Variants in FDX1 observed in about 807,000 individuals in gnomAD.
FDX1 encodes adrenodoxin, mitochondrial.
Under a neutral mutation model 14.9 loss-of-function variants are expected in FDX1, and 9 were observed. That is an observed-to-expected ratio of 0.60 (90% CI 0.36 to 1.05). The LOEUF (loss-of-function observed/expected upper bound fraction) is 1.05. Ranked by LOEUF, FDX1 falls within the 50% of genes least tolerant of loss-of-function variation. FDX1 has a pLI of 0.01. For synonymous variants in FDX1, 92 were observed against 99.4 expected, an observed-to-expected ratio of 0.93 and a Z score of 0.44; for missense variants, 204 against 237.2, an observed-to-expected ratio of 0.86 and a Z score of 0.92.
rs45488099 is a variant in FDX1 at position 110,463,435 on chromosome 11, A to G, written c.*967A>G. 1.3e-5 allele frequency: 2 copies of G among 152,260 alleles called. No individual in the cohort carries two copies. Among genetic ancestry groups the G allele is most frequent in the African/African-American group, 2.4e-5 (1 of 41,466 alleles). 9.4% of individuals were successfully genotyped at this position (152,260 alleles called of 1,614,324 possible). A position where few individuals can be genotyped will look rare whatever the true frequency, so the allele number is the denominator to read the frequency against. On this transcript the variant is annotated 3_prime_UTR_variant, in exon 4 of 4. Coordinates refer to ENST00000260270, the MANE Select transcript of FDX1 (RefSeq NM_004109.5). ...TGGCAAGCACCACAGATTACCACGTATGTGTGGAAGACATTCGTACTCTTA... is the reference window on the plus strand; with the variant it reads ...TGGCAAGCACCACAGATTACCACGTGTGTGTGGAAGACATTCGTACTCTTA...
chr11:110,442,028 C>A (rs1946407706), intron 2 of FDX1, among the ~76,000 whole-genome samples: 1 of 152,230 alleles, frequency 6.6e-6, no homozygotes, highest in South Asian at 2.1e-4. Flanking sequence ...TCAGAGTGTG[C>A]AAACCTCAAG....
chr11:110,433,748 C>T (rs1591245766), intron 1 of FDX1, among the ~76,000 whole-genome samples: 1 of 152,082 alleles, frequency 6.6e-6, no homozygotes, highest in Non-Finnish European at 1.5e-5. Flanking sequence ...CACACACACA[C>T]ACCCTTTTGA....
intron 2 of FDX1, among the ~76,000 whole-genome samples, chr11:110,452,263 T>C (rs1220840226): frequency 2.0e-5 from 3 of 152,142 alleles, no homozygotes; most frequent in South Asian, 4.2e-4. Context: ...TTAAAAACTT[T>C]TGTTCTTCCA....
At chr11:110,460,324 C>A (rs1257613100) in intron 3 of FDX1, among the ~76,000 whole-genome samples, 2 of 152,228 alleles carry the variant, frequency 1.3e-5, no homozygotes, top group South Asian at 4.1e-4. Flanking sequence ...GGCCCCTTAA[C>A]TGATATTCAC....
In FDX1 at chr11:110,430,242, G is replaced by C. The variant is rs919270137; in HGVS notation, c.122G>C (p.Arg41Pro). ...RAGSSGLLRNRGPGGSAEASR... is the reference protein window; with the variant it reads ...RAGSSGLLRNPGPGGSAEASR... ...GGATCCAGCGGCCTGCTGAGGAACC[G>C]GGGGCCGGGCGGGAGCGCGGAGGCG... The change falls in exon 1 of 4, where the codon CGG becomes CCG. Residue 41 changes from arginine (R) to proline (P), a missense_variant. Physicochemically the swap from Arg to Pro is moderately radical, Grantham distance 103 (BLOSUM62 -2). Coordinates refer to ENST00000260270, the MANE Select transcript of FDX1 (RefSeq NM_004109.5). 911 of 1,205,422 alleles carry C rather than the reference G, an allele frequency of 7.6e-4. 4 individuals carry two copies. The highest frequency in any genetic ancestry group is 1.4e-3 in the Admixed American group (32 of 22,684). The allele number at this position is 1,205,422 out of a possible 1,614,324, so 74.7% of individuals were successfully genotyped here.
At chr11:110,456,805 G>C in intron 2 of FDX1, 113 bp from the exon 3 acceptor site, 3 of 1,150,816 alleles carry the variant, frequency 2.6e-6, no homozygotes, top group Non-Finnish European at 3.6e-6. Context: ...CACTGTGCCC[G>C]GCCTCACTTA....
chr11:110,448,784 C>G (rs544266009), intron 2 of FDX1, among the ~76,000 whole-genome samples: 1 of 152,182 alleles, frequency 6.6e-6, no homozygotes, highest in Non-Finnish European at 1.5e-5. Context: ...GATTCTTACT[C>G]TAGCAAAATC....
chr11:110,444,705 CGTATATATATATATAT>C lies in FDX1; in HGVS notation c.310+8748_310+8763del, dbSNP rs1946434088. Among the ~76,000 whole-genome samples, 21 of 36,668 alleles carry C rather than the reference CGTATATATATATATAT, an allele frequency of 5.7e-4. 1 individual carries two copies. The highest frequency in any genetic ancestry group is 6.4e-4 in the South Asian group (1 of 1,568). The allele number at this position is 36,668 out of a possible 152,430, so 24.1% of individuals were successfully genotyped here. On this transcript the variant is annotated intron_variant, in intron 2 of 3. Transcript: ENST00000260270. ...ATATACACGTATATATATATATATA[CGTATATATATATATAT>C]ACGTATATATATATATATATATACA...
chr11:110,430,283 G>A lies in FDX1; in HGVS notation c.163G>A (p.Val55Met). Reference protein sequence around the residue: ...GSAEASRSLSVSARARSSSED... With the variant: ...GSAEASRSLSMSARARSSSED... Reference sequence around the variant, plus strand: ...CGCGGAGGCGAGCCGGTCGCTGAGCGTGTCGGCGCGGGCCCGGAGCAGGTA... The same window carrying A: ...CGCGGAGGCGAGCCGGTCGCTGAGCATGTCGGCGCGGGCCCGGAGCAGGTA... Residue 55 changes from valine (V) to methionine (M), a missense_variant, in exon 1 of 4, where the codon GTG becomes ATG. Coordinates refer to ENST00000260270, the MANE Select transcript of FDX1 (RefSeq NM_004109.5). The A allele has an allele frequency of 8.3e-7, 1 of 1,200,540 alleles. No individual in the cohort carries two copies. The highest frequency in any genetic ancestry group is 1.0e-6 in the Non-Finnish European group (1 of 967,678). 74.4% of individuals were successfully genotyped at this position (1,200,540 alleles called of 1,614,324 possible). A position where few individuals can be genotyped will look rare whatever the true frequency, so the allele number is the denominator to read the frequency against.
At chr11:110,434,725 GTTTTTTTTTTTTTT>G (rs56907322) in intron 1 of FDX1, among the ~76,000 whole-genome samples, 3,322 of 105,800 alleles carry the variant, frequency 0.031, 170 homozygotes, top group African/African-American at 0.1. Context: ...GACTTTTTTT[GTTTTTTTTTTTTTT>G]TTTTTTTTTG....
chr11:110,452,569 TG>T (rs911188596), intron 2 of FDX1, among the ~76,000 whole-genome samples: 17 of 151,534 alleles, frequency 1.1e-4, no homozygotes, highest in African/African-American at 4.1e-4. Flanking sequence ...AAGAGACTAA[TG>T]GTGATGTCAT....
intron 2 of FDX1, among the ~76,000 whole-genome samples, chr11:110,440,833 G>A (rs7935343): frequency 0.017 from 2,622 of 152,260 alleles, 84 homozygotes; most frequent in African/African-American, 0.059. Flanking sequence ...AGACATTACG[G>A]TAGGAATATT....
At chr11:110,436,571 T>TCCCCCACCCACCG (rs1221649330) in intron 2 of FDX1, among the ~76,000 whole-genome samples, 2 of 141,880 alleles carry the variant, frequency 1.4e-5, no homozygotes, top group Non-Finnish European at 1.5e-5. Flanking sequence ...CAGACACTCC[T>TCCCCCACCCACCG]CCCCCACCCA....
chr11:110,457,106 A>C, intron 3 of FDX1, 59 bp downstream of exon 3: 1 of 1,500,700 alleles, frequency 6.7e-7, no homozygotes, highest in Non-Finnish European at 9.2e-7. Flanking sequence ...ATGTTGTATT[A>C]TGTTGTCTAT....
chr11:110,431,708 T>G (rs1369861045), intron 1 of FDX1, among the ~76,000 whole-genome samples: 1 of 152,196 alleles, frequency 6.6e-6, no homozygotes, highest in Non-Finnish European at 1.5e-5. Flanking sequence ...AACATGAATG[T>G]TTTTGTAGTA....
At chr11:110,455,226 C>G (rs1017960306) in intron 2 of FDX1, among the ~76,000 whole-genome samples, 2 of 152,020 alleles carry the variant, frequency 1.3e-5, no homozygotes, top group South Asian at 2.1e-4. Context: ...AGGCTGGTCT[C>G]GAACCTCACG....
intron 2 of FDX1, among the ~76,000 whole-genome samples, chr11:110,455,481 T>G (rs1003865053): frequency 6.6e-6 from 1 of 152,194 alleles, no homozygotes; most frequent in Non-Finnish European, 1.5e-5. Flanking sequence ...AAACTGAAGT[T>G]ACTCTGAGGA....
chr11:110,443,550 C>T (rs942094475), intron 2 of FDX1, among the ~76,000 whole-genome samples: 2 of 150,872 alleles, frequency 1.3e-5, no homozygotes, highest in East Asian at 3.9e-4. Context: ...AAGTGATTCT[C>T]CTGCCTTAGC....
chr11:110,433,558 C>T (rs1946345368), intron 1 of FDX1, among the ~76,000 whole-genome samples: 1 of 152,204 alleles, frequency 6.6e-6, no homozygotes, highest in African/African-American at 2.4e-5. Context: ...GTTTTGATAA[C>T]CTCCAAAGTG....
Sources: gnomAD v4.1 joint callset for allele counts (sites outside exome capture counted in the v4.1 genomes callset) on GRCh38, gnomAD v4.1.1 for gene constraint, MANE v1.5 for transcripts, NCBI Gene and HGNC (gene_info 2026-07-23, HGNC 2026-07-21) for gene names.